Variants in CPEB1 observed in about 807,000 individuals in gnomAD.
The protein encoded by CPEB1 is cytoplasmic polyadenylation element-binding protein 1.
CPEB1 carries 7 observed loss-of-function variants against 65.8 expected under a neutral mutation model. The observed-to-expected ratio is 0.11, with a 90% CI of 0.06 to 0.20. The LOEUF (loss-of-function observed/expected upper bound fraction) is 0.20. CPEB1 is among the 10% of genes least tolerant of loss of function. The pLI, the probability that CPEB1 is intolerant of heterozygous loss-of-function variation, is 1.00. For missense variants in CPEB1, 551 were observed against 712.2 expected (o/e 0.77, Z 2.58); for synonymous variants, 262 against 260.0 (o/e 1.01, Z -0.08).
chr15:82,608,005 C>G (rs1567218205), intron 3 of CPEB1, among the ~76,000 whole-genome samples: 1 of 152,176 alleles, frequency 6.6e-6, no homozygotes, highest in African/African-American at 2.4e-5. Flanking sequence ...CACACTGAGC[C>G]AGACAGTTTA....
At chr15:82,611,863 G>C (rs895656924) in intron 3 of CPEB1, among the ~76,000 whole-genome samples, 4 of 151,090 alleles carry the variant, frequency 2.6e-5, no homozygotes, top group African/African-American at 9.7e-5. Context: ...GGGGGAGGGA[G>C]GGATCAAAGC....
intron 3 of CPEB1, among the ~76,000 whole-genome samples, chr15:82,588,095 TTTTG>T (rs780015925): frequency 4.2e-5 from 6 of 141,414 alleles, no homozygotes; most frequent in African/African-American, 8.1e-5. Flanking sequence ...CTAGGTTTTT[TTTTG>T]TTTGTTTTTT....
intron 2 of CPEB1, chr15:82,628,096 C>T (rs1195562768): frequency 3.0e-6 from 2 of 656,274 alleles, no homozygotes; most frequent in Non-Finnish European, 5.4e-6. Flanking sequence ...TGGAAGAGAA[C>T]CCCAATAGAG....
chr15:82,612,861 CAAACA>C (rs1038363619), intron 3 of CPEB1, among the ~76,000 whole-genome samples: 1 of 149,760 alleles, frequency 6.7e-6, no homozygotes, highest in Non-Finnish European at 1.5e-5. Context: ...AACAAACAAA[CAAACA>C]AAACAAACAA....
intron 4 of CPEB1, among the ~76,000 whole-genome samples, chr15:82,566,404 T>C (rs143609608): frequency 0.018 from 2,698 of 152,260 alleles, 31 homozygotes; most frequent in Non-Finnish European, 0.026. Flanking sequence ...TGGTTCTAGG[T>C]TGCTTACTCA....
chr15:82,614,937 C>T (rs1337695565), intron 3 of CPEB1, among the ~76,000 whole-genome samples: 1 of 151,998 alleles, frequency 6.6e-6, no homozygotes. Flanking sequence ...TATACCCACA[C>T]TATCACAATC....
intron 1 of CPEB1, among the ~76,000 whole-genome samples, chr15:82,642,589 C>T (rs1181161165): frequency 2.0e-5 from 3 of 152,120 alleles, no homozygotes; most frequent in East Asian, 1.9e-4. Context: ...GCTTAAGAAA[C>T]GGTAAAGGGT....
chr15:82,553,390 ACC>A, intron 8 of CPEB1, 75 bp downstream of exon 8: 1 of 1,073,330 alleles, frequency 9.3e-7, no homozygotes, highest in East Asian at 2.4e-5. Context: ...ACATCCCAGC[ACC>A]CCTAGGTGCA....
chr15:82,612,538 T>C (rs1403170446), intron 3 of CPEB1, among the ~76,000 whole-genome samples: 7 of 148,446 alleles, frequency 4.7e-5, no homozygotes, highest in East Asian at 2.0e-4. Flanking sequence ...ATTTGAATAA[T>C]TGTATTTTAA....
chr15:82,600,202 GGA>G (rs1382093022), intron 3 of CPEB1, among the ~76,000 whole-genome samples: 1 of 152,134 alleles, frequency 6.6e-6, no homozygotes, highest in African/African-American at 2.4e-5. Flanking sequence ...AGGTTTCAAA[GGA>G]GAGTGACCGA....
At chr15:82,618,060 A>G (rs1340766619) in intron 3 of CPEB1, among the ~76,000 whole-genome samples, 2 of 151,972 alleles carry the variant, frequency 1.3e-5, no homozygotes, top group Non-Finnish European at 2.9e-5. Context: ...TAACTTTTCT[A>G]TTAATTGAAA....
intron 1 of CPEB1, among the ~76,000 whole-genome samples, chr15:82,632,168 G>C (rs532498228): frequency 2.6e-5 from 4 of 151,750 alleles, no homozygotes; most frequent in Non-Finnish European, 5.9e-5. Flanking sequence ...ATTTTTAGTA[G>C]AGATGGGGTT....
chr15:82,576,388 A>G (rs1263824577), intron 3 of CPEB1, among the ~76,000 whole-genome samples: 3 of 152,218 alleles, frequency 2.0e-5, no homozygotes, highest in Admixed American at 2.0e-4. Context: ...CATCAGTCAG[A>G]ATGGATCTAA....
intron 3 of CPEB1, among the ~76,000 whole-genome samples, chr15:82,581,322 TCATC>T (rs201625397): frequency 0.018 from 2,685 of 152,334 alleles, 29 homozygotes; most frequent in Non-Finnish European, 0.025. Flanking sequence ...AACATTTTGT[TCATC>T]CATCCAATTC....
intron 2 of CPEB1, among the ~76,000 whole-genome samples, chr15:82,627,679 T>G (rs745455999): frequency 3.9e-5 from 6 of 152,190 alleles, no homozygotes; most frequent in Non-Finnish European, 8.8e-5. Context: ...GGTTTATGAT[T>G]AGGATTGCCT....
chr15:82,548,779 C>T (rs1356981591), intron 10 of CPEB1: 2 of 446,932 alleles, frequency 4.5e-6, no homozygotes, highest in East Asian at 7.1e-5. Flanking sequence ...TTGGTGAGTA[C>T]ATGGTGCTCC....
intron 3 of CPEB1, among the ~76,000 whole-genome samples, chr15:82,607,450 T>C (rs1446685262): frequency 6.6e-6 from 1 of 151,590 alleles, no homozygotes; most frequent in East Asian, 1.9e-4. Flanking sequence ...TACCCAGGTG[T>C]GGTGGTGTGT....
rs760880558 is a variant in CPEB1 at position 82,627,347 on chromosome 15, T to A, written c.117A>T (p.Ile39=). 6.2e-7 allele frequency: 1 copy of A among 1,612,766 alleles called. No individual in the cohort carries two copies. The highest frequency in any genetic ancestry group is 8.5e-7 in the Non-Finnish European group (1 of 1,179,432). ...CTTCCTGGTTGTCCCAGCAATCTTT[T>A]ATCCTTCCTGCTTCTTCTTCCTAGA... ...LIPLEEEAGR[I]KDCWDNQEAP... is the part of the protein sequence containing the mutation. Residue 39 remains isoleucine (I), a synonymous_variant, in exon 3 of 13, where the codon ATA becomes ATT. Coordinates refer to ENST00000684509, the MANE Select transcript of CPEB1 (RefSeq NM_001365242.1).
intron 11 of CPEB1, 71 bp from the exon 12 acceptor site, chr15:82,546,592 G>C (rs2035262659): frequency 1.8e-6 from 2 of 1,131,408 alleles, no homozygotes; most frequent in East Asian, 4.7e-5. Context: ...ATAGAAGAAG[G>C]GCACATTATT....
Sources: allele counts gnomAD v4.1 joint callset (sites outside exome capture counted in the v4.1 genomes callset), GRCh38; gene constraint gnomAD v4.1.1; transcripts MANE v1.5; gene names NCBI Gene and HGNC (gene_info 2026-07-23, HGNC 2026-07-21).